MCTP2: variants seen among roughly 807,000 people sequenced by gnomAD.
MCTP2 encodes multiple C2 and transmembrane domain containing 2.
MCTP2 carries 132 observed loss-of-function variants against 111.6 expected under a neutral mutation model. That is an observed-to-expected ratio of 1.18 (90% confidence interval 1.03 to 1.37). The LOEUF is 1.37. Among genes scored for constraint, MCTP2 ranks in the 40% most tolerant of loss-of-function variants. The pLI is 0.00. For missense variants in MCTP2, 1,183 were observed against 1,067.9 expected (o/e 1.11, Z -1.50); for synonymous variants, 395 against 387.7 (o/e 1.02, Z -0.22).
intron 1 of MCTP2, among the ~76,000 whole-genome samples, chr15:94,244,690 A>G (rs1305482521): frequency 6.7e-6 from 1 of 149,294 alleles, no homozygotes; most frequent in Admixed American, 6.6e-5. Flanking sequence ...TTATATACGT[A>G]TATGTATACA....
chr15:94,329,085 C>G (rs1226539464), intron 4 of MCTP2, among the ~76,000 whole-genome samples: 1 of 152,072 alleles, frequency 6.6e-6, no homozygotes, highest in Non-Finnish European at 1.5e-5. Context: ...ATGATGCAGC[C>G]TTGGAAGGAA....
At chr15:94,260,862 C>G (rs896899517) in intron 1 of MCTP2, among the ~76,000 whole-genome samples, 1 of 152,010 alleles carries the variant, frequency 6.6e-6, no homozygotes, top group East Asian at 1.9e-4. Context: ...CTCATTATAC[C>G]CTCCTCCCTT....
intron 17 of MCTP2, among the ~76,000 whole-genome samples, chr15:94,436,513 T>C (rs1162767682): frequency 6.6e-6 from 1 of 152,042 alleles, no homozygotes; most frequent in Admixed American, 6.6e-5. Context: ...TGTAAAAGAG[T>C]TTTAGGCTAT....
intron 20 of MCTP2, among the ~76,000 whole-genome samples, chr15:94,466,736 A>T (rs1048153290): frequency 3.3e-5 from 5 of 152,180 alleles, no homozygotes; most frequent in Non-Finnish European, 5.9e-5. Flanking sequence ...ATTGGAGCTT[A>T]GTTACCTCCA....
chr15:94,398,321 G>A (rs2081382105), intron 14 of MCTP2, among the ~76,000 whole-genome samples: 1 of 152,114 alleles, frequency 6.6e-6, no homozygotes, highest in East Asian at 1.9e-4. Flanking sequence ...AACATTTTGG[G>A]GGGAATACTT....
intron 17 of MCTP2, among the ~76,000 whole-genome samples, chr15:94,438,383 C>G (rs1327805212): frequency 6.6e-6 from 1 of 152,032 alleles, no homozygotes; most frequent in East Asian, 1.9e-4. Context: ...ACAAGGTTGT[C>G]TTTGGAAATG....
chr15:94,314,186 C>T, intron 2 of MCTP2, 96 bp from the exon 3 acceptor site: 1 of 826,260 alleles, frequency 1.2e-6, no homozygotes, highest in East Asian at 2.5e-5. Flanking sequence ...ATGCAAATAT[C>T]AGATTTCCAA....
chr15:94,298,456 A>C lies in MCTP2; in HGVS notation c.191A>C (p.Glu64Ala), dbSNP rs770588748. The change falls in exon 2 of 23, where the codon GAG (glutamate) becomes GCG (alanine). Residue 64 changes from glutamate (E) to alanine (A), a missense_variant. Glu to Ala is a moderately radical substitution (Grantham distance 107). Transcript: ENST00000357742. ...DLLEAEALAP[E>A]GRPYSGPQSS... ...CTGGAGGCTGAGGCCTTGGCCCCAG[A>C]GGGCCGGCCTTACTCCGGGCCACAG... 6.2e-7 allele frequency: 1 copy of C among 1,613,988 alleles called. No individual in the cohort carries two copies. Among genetic ancestry groups the C allele is most frequent in the Non-Finnish European group, 8.5e-7 (1 of 1,180,012 alleles).
intron 8 of MCTP2, among the ~76,000 whole-genome samples, chr15:94,351,002 A>G (rs1001707355): frequency 1.3e-5 from 2 of 151,714 alleles, no homozygotes; most frequent in African/African-American, 4.9e-5. Flanking sequence ...ATCTATTTTT[A>G]TTTTTAAGTA....
At position 94,265,518 on chromosome 15, in the gene MCTP2, G is replaced by T. The variant is rs996519492; in HGVS notation, c.-65-32683G>T. Among the ~76,000 whole-genome samples the T allele has an allele frequency of 1.2e-4, 19 of 152,192 alleles. No homozygotes were observed. In the South Asian group the frequency reaches 1.7e-3, roughly 13 times the overall value. On this transcript the variant is annotated intron_variant, in intron 1 of 22. Transcript: ENST00000357742. ...TTGTAGATTATATATACATAGTTCA[G>T]AGTTTATATAAGATATACACTACTG...
intron 14 of MCTP2, among the ~76,000 whole-genome samples, chr15:94,386,131 A>G (rs1596541145): frequency 1.3e-5 from 2 of 152,330 alleles, no homozygotes; most frequent in South Asian, 2.1e-4. Context: ...AAATACTTAC[A>G]AAATTCAGAA....
At chr15:94,402,541 T>C (rs2081651989) in intron 17 of MCTP2, 2 of 1,551,818 alleles carry the variant, frequency 1.3e-6, no homozygotes, top group Non-Finnish European at 1.7e-6. Context: ...TCTGGTGACA[T>C]TGGCCCATCC....
intron 4 of MCTP2, among the ~76,000 whole-genome samples, chr15:94,317,592 T>C (rs1471056717): frequency 1.3e-5 from 2 of 152,198 alleles, no homozygotes; most frequent in African/African-American, 4.8e-5. Context: ...CCATCTTACC[T>C]GCTGCCTCCA....
chr15:94,403,927 G>T (rs2081748805), intron 17 of MCTP2, among the ~76,000 whole-genome samples: 1 of 152,010 alleles, frequency 6.6e-6, no homozygotes, highest in Admixed American at 6.6e-5. Flanking sequence ...TTTCTCATTG[G>T]ACACCATTGA....
intron 17 of MCTP2, among the ~76,000 whole-genome samples, chr15:94,433,989 A>T (rs67576350): frequency 0.2 from 30,161 of 152,116 alleles, 3,281 homozygotes; most frequent in East Asian, 0.41. Flanking sequence ...TGGAAACAAG[A>T]TCCCTTTCAG....
rs2075381211 is a variant in MCTP2, at chr15:94,298,517, T to C, written c.252T>C (p.Thr84=). The change falls in exon 2 of 23, where the codon ACT becomes ACC. Residue 84 remains threonine, a synonymous_variant. Coordinates refer to ENST00000357742, the MANE Select transcript of MCTP2 (RefSeq NM_001385001.1). ...CCTCGGTGCCCAGCAGTCTGTCCAC[T>C]GCAGGGATCTTTCCCAAGAGCAGCA... The part of the protein sequence containing the change: ...SYTSVPSSLS[T]AGIFPKSSSS... The C allele has an allele frequency of 6.2e-7, 1 of 1,614,028 alleles. No homozygotes were observed. The highest frequency in any genetic ancestry group is 8.5e-7 in the Non-Finnish European group (1 of 1,180,008).
intron 8 of MCTP2, among the ~76,000 whole-genome samples, chr15:94,349,602 C>T (rs867754571): frequency 1.2e-4 from 18 of 151,856 alleles, no homozygotes; most frequent in Admixed American, 8.5e-4. Flanking sequence ...GGGCGGATCA[C>T]GAGGTCAGGA....
intron 7 of MCTP2, among the ~76,000 whole-genome samples, chr15:94,344,875 A>G (rs2077879391): frequency 6.6e-6 from 1 of 152,232 alleles, no homozygotes; most frequent in African/African-American, 2.4e-5. Flanking sequence ...AAGATTGAAC[A>G]GTATTTTTAT....
chr15:94,390,065 T>TAC (rs1336459033), intron 14 of MCTP2, among the ~76,000 whole-genome samples: 53 of 9,890 alleles, frequency 5.4e-3, no homozygotes, highest in African/African-American at 0.011. Flanking sequence ...TATATATATA[T>TAC]ATATATATAT....
Sources: allele counts gnomAD v4.1 joint callset (sites outside exome capture counted in the v4.1 genomes callset), GRCh38; gene constraint gnomAD v4.1.1; transcripts MANE v1.5; gene names NCBI Gene and HGNC (gene_info 2026-07-23, HGNC 2026-07-21).